The following ATP10B variants were observed in gnomAD, a reference collection of about 807,000 sequenced individuals.
ATP10B encodes ATPase phospholipid transporting 10B (putative).
Under a neutral mutation model 141.2 loss-of-function variants are expected in ATP10B, and 122 were observed. The ratio of observed to expected loss-of-function variants is 0.86; its 90% CI spans 0.75 to 1.00. ATP10B has a LOEUF of 1.00. ATP10B is among the 50% of genes least tolerant of loss of function. The pLI, the probability that ATP10B is intolerant of heterozygous loss-of-function variation, is 0.00. For missense variants in ATP10B, 1,876 were observed against 1,825.3 expected, an observed-to-expected ratio of 1.03 and a Z score of -0.51; for synonymous variants, 685 against 692.0, an observed-to-expected ratio of 0.99 and a Z score of 0.16.
intron 21 of ATP10B, among the ~76,000 whole-genome samples, chr5:160,600,810 G>C (rs1405165561): frequency 1.3e-5 from 2 of 152,216 alleles, no homozygotes; most frequent in Non-Finnish European, 2.9e-5. Flanking sequence ...AAATTTCAGA[G>C]CAGGCCAGGT....
intron 2 of ATP10B, among the ~76,000 whole-genome samples, chr5:160,769,514 CT>C (rs1481606417): frequency 8.5e-5 from 13 of 152,154 alleles, no homozygotes; most frequent in African/African-American, 3.1e-4. Flanking sequence ...CAAATAAGCA[CT>C]CACAGTCCAT....
chr5:160,612,121 CT>C, intron 18 of ATP10B: 1 of 152,324 alleles, frequency 6.6e-6, no homozygotes, highest in East Asian at 1.9e-4. Context: ...TAGATCTTTG[CT>C]TCATTCTTTC....
At chr5:160,809,728 G>A (rs1354738192) in intron 1 of ATP10B, among the ~76,000 whole-genome samples, 2 of 152,142 alleles carry the variant, frequency 1.3e-5, no homozygotes, top group Non-Finnish European at 2.9e-5. Context: ...ATATGAATTG[G>A]AAGTGTTATT....
At chr5:160,826,351 G>A (rs1404658536) in intron 1 of ATP10B, among the ~76,000 whole-genome samples, 1 of 152,082 alleles carries the variant, frequency 6.6e-6, no homozygotes, top group African/African-American at 2.4e-5. Context: ...CCATGGCAGA[G>A]GAACGTAAAT....
At chr5:160,904,728 A>AT in the ATP10B span, among the ~76,000 whole-genome samples, 1 of 152,228 alleles carries the variant, frequency 6.6e-6, no homozygotes, top group East Asian at 1.9e-4. Flanking sequence ...GACAGCTATT[A>AT]TAATCATAGG....
chr5:160,807,110 G>A (rs1399384398), intron 1 of ATP10B, among the ~76,000 whole-genome samples: 1 of 152,186 alleles, frequency 6.6e-6, no homozygotes, highest in Admixed American at 6.5e-5. Context: ...GGAATGAACA[G>A]TTCTGTTCCA....
the ATP10B span, among the ~76,000 whole-genome samples, chr5:160,925,666 A>G: frequency 0.011 from 1,690 of 152,364 alleles, 34 homozygotes; most frequent in African/African-American, 0.038. Flanking sequence ...TAAAAAGTTA[A>G]AGAATTTAAA....
intron 18 of ATP10B, among the ~76,000 whole-genome samples, chr5:160,611,406 C>A (rs1757713464): frequency 6.6e-6 from 1 of 152,120 alleles, no homozygotes; most frequent in Non-Finnish European, 1.5e-5. Context: ...ATTTCCATTA[C>A]AAGCAGGACA....
intron 7 of ATP10B, among the ~76,000 whole-genome samples, chr5:160,660,653 G>A (rs1761844321): frequency 6.6e-6 from 1 of 152,172 alleles, no homozygotes; most frequent in Non-Finnish European, 1.5e-5. Flanking sequence ...TTCCATTGAA[G>A]TCATAGATCT....
chr5:160,582,284 C>A (rs940105284), intron 24 of ATP10B, among the ~76,000 whole-genome samples: 10 of 152,212 alleles, frequency 6.6e-5, no homozygotes, highest in African/African-American at 2.2e-4. Flanking sequence ...GTGGCTGCTA[C>A]TGATTTTTCC....
At chr5:160,705,689 C>T (rs1164360560) in intron 3 of ATP10B, among the ~76,000 whole-genome samples, 1 of 152,172 alleles carries the variant, frequency 6.6e-6, no homozygotes, top group African/African-American at 2.4e-5. Flanking sequence ...CTATCCAGCT[C>T]TATAAAACTT....
At chr5:160,653,163 T>C (rs1242222631) in intron 7 of ATP10B, among the ~76,000 whole-genome samples, 3 of 127,570 alleles carry the variant, frequency 2.4e-5, no homozygotes, top group African/African-American at 3.3e-5. Context: ...ATACATAATA[T>C]ATATTATATA....
intron 2 of ATP10B, among the ~76,000 whole-genome samples, chr5:160,783,199 C>A (rs949881773): frequency 1.3e-5 from 2 of 151,562 alleles, no homozygotes; most frequent in East Asian, 3.9e-4. Context: ...TCCCCAAAGT[C>A]CATTGTATCA....
At chr5:160,830,442 A>G (rs1774979906) in intron 1 of ATP10B, among the ~76,000 whole-genome samples, 1 of 152,094 alleles carries the variant, frequency 6.6e-6, no homozygotes, top group East Asian at 1.9e-4. Flanking sequence ...TTTTCTGTAT[A>G]TGGCAAATTG....
At chr5:160,740,717 AC>A (rs960200074) in intron 2 of ATP10B, among the ~76,000 whole-genome samples, 4 of 152,216 alleles carry the variant, frequency 2.6e-5, no homozygotes, top group Admixed American at 2.6e-4. Flanking sequence ...CATTGGCACC[AC>A]CTTTCCTCAG....
chr5:160,617,280 T>G (rs765325150), intron 16 of ATP10B, among the ~76,000 whole-genome samples: 34 of 152,354 alleles, frequency 2.2e-4, no homozygotes, highest in Admixed American at 1.0e-3. Flanking sequence ...TCAAAGATCT[T>G]GCAAAGCATG....
At chr5:160,899,591 AG>A in the ATP10B span, among the ~76,000 whole-genome samples, 2 of 152,200 alleles carry the variant, frequency 1.3e-5, no homozygotes, top group African/African-American at 4.8e-5. Flanking sequence ...CCCCCAAAAA[AG>A]ATTTATACTT....
Position 160,788,323 on chromosome 5 carries a change from G to T in ATP10B, c.-575-2520C>A, listed in dbSNP as rs543613122. Among the ~76,000 whole-genome samples the T allele has an allele frequency of 1.3e-4, 20 of 152,292 alleles. No individual in the cohort carries two copies. The East Asian group carries it at 3.9e-3, about 29-fold the overall frequency. The stretch of plus-strand genomic sequence containing the variant: ...AGCAAGACGCCCAGGCCTTTGTGAA[G>T]GTCCCACTACATGGTTAAACCTAAA... On this transcript the variant is annotated intron_variant, in intron 1 of 25. Transcript: ENST00000327245.
intron 1 of ATP10B, among the ~76,000 whole-genome samples, chr5:160,818,827 T>G (rs1174969174): frequency 6.6e-6 from 1 of 152,080 alleles, no homozygotes; most frequent in Non-Finnish European, 1.5e-5. Context: ...CCATAAAAAA[T>G]GATGAGTTCA....
Sources: gnomAD v4.1 joint callset for allele counts (sites outside exome capture counted in the v4.1 genomes callset) on GRCh38, gnomAD v4.1.1 for gene constraint, MANE v1.5 for transcripts, NCBI Gene and HGNC (gene_info 2026-07-23, HGNC 2026-07-21) for gene names.